The following STAG1 variants were observed in gnomAD, a reference collection of about 807,000 sequenced individuals.
STAG1 encodes cohesin subunit SA-1.
A neutral mutation model predicts 170.9 loss-of-function variants in STAG1; 26 were observed. The ratio of observed to expected loss-of-function variants is 0.15; its 90% CI spans 0.11 to 0.21. The LOEUF is 0.21. STAG1 is among the 10% of genes least tolerant of loss of function. STAG1 has a pLI of 1.00. For synonymous variants in STAG1, 514 were observed against 497.7 expected (o/e 1.03, Z -0.44); for missense variants, 964 against 1,509.5 (o/e 0.64, Z 5.99).
At chr3:136,559,225 A>G (rs1461842784) in intron 5 of STAG1, among the ~76,000 whole-genome samples, 2 of 152,136 alleles carry the variant, frequency 1.3e-5, no homozygotes, top group African/African-American at 4.8e-5. Context: ...GCTAAAGAGA[A>G]TACTGATTAA....
intron 16 of STAG1, among the ~76,000 whole-genome samples, chr3:136,430,464 T>C (rs2088264309): frequency 6.6e-6 from 1 of 152,152 alleles, no homozygotes; most frequent in Admixed American, 6.5e-5. Context: ...TTTGTGTTAC[T>C]CTTGTCACAT....
At chr3:136,376,056 T>C (rs368457352) in intron 23 of STAG1, among the ~76,000 whole-genome samples, 1 of 133,958 alleles carries the variant, frequency 7.5e-6, no homozygotes, top group Non-Finnish European at 1.6e-5. Context: ...TAAAACAAAA[T>C]AAAATAAATG....
chr3:136,478,899 T>C (rs183405619), intron 9 of STAG1, among the ~76,000 whole-genome samples: 1 of 152,218 alleles, frequency 6.6e-6, no homozygotes, highest in African/African-American at 2.4e-5. Flanking sequence ...ACCTTGGGTA[T>C]TTCCCTTTTT....
rs894847068 is a variant in STAG1, at chr3:136,337,603, A to G, written c.*651T>C. On this transcript the variant is annotated 3_prime_UTR_variant, in exon 34 of 34. Transcript: ENST00000383202. The stretch of plus-strand genomic sequence containing the variant: ...AAAAATAAACCTTTTATTCAAGAGT[A>G]TATAAAATCTGGGAATTCATATCCA... The G allele has an allele frequency of 1.3e-5, 2 of 152,668 alleles. No individual in the cohort carries two copies. The highest frequency in any genetic ancestry group is 4.8e-5 in the African/African-American group (2 of 41,464). 9.5% of individuals were successfully genotyped at this position (152,668 alleles called of 1,614,324 possible).
In STAG1 at chr3:136,615,364, T is replaced by C. The variant is rs191352941; in HGVS notation, c.132+7782A>G. ...CCCCACACTTTTTCATAAAATGGCA[T>C]TGCCTGTGAGCTGAGATCGTGTCAC... On this transcript the variant is annotated intron_variant, in intron 3 of 33. Transcript: ENST00000383202. Among the ~76,000 whole-genome samples the C allele has an allele frequency of 2.1e-3, 301 of 144,104 alleles. 1 individual carries two copies. Among genetic ancestry groups the C allele is most frequent in the African/African-American group, 7.4e-3 (286 of 38,410 alleles). 94.5% of individuals were successfully genotyped at this position (144,104 alleles called of 152,430 possible).
intron 21 of STAG1, among the ~76,000 whole-genome samples, chr3:136,405,398 T>A (rs1297193467): frequency 1.3e-5 from 2 of 151,856 alleles, no homozygotes; most frequent in African/African-American, 4.8e-5. Context: ...TGTGCTACCA[T>A]GCCCAGCTAA....
At chr3:136,563,508 C>T (rs1301803359) in intron 5 of STAG1, among the ~76,000 whole-genome samples, 4 of 151,512 alleles carry the variant, frequency 2.6e-5, no homozygotes, top group Admixed American at 6.6e-5. Context: ...CTAAACTTTC[C>T]GACACACACA....
intron 1 of STAG1, among the ~76,000 whole-genome samples, chr3:136,711,979 C>A (rs749227899): frequency 1.3e-5 from 2 of 152,072 alleles, no homozygotes; most frequent in African/African-American, 4.8e-5. Flanking sequence ...CACTGTTTAA[C>A]GGAAAAAAAC....
intron 15 of STAG1, among the ~76,000 whole-genome samples, chr3:136,435,110 G>A (rs1193004721): frequency 6.6e-6 from 1 of 152,064 alleles, no homozygotes; most frequent in Non-Finnish European, 1.5e-5. Context: ...AACTTAATAT[G>A]TAACTTAATT....
At chr3:136,712,983 C>T (rs1943426179) in intron 1 of STAG1, among the ~76,000 whole-genome samples, 1 of 151,950 alleles carries the variant, frequency 6.6e-6, no homozygotes, top group Non-Finnish European at 1.5e-5. Context: ...CCCAGCTACT[C>T]AGGAGGCTGA....
chr3:136,410,303 G>A (rs2087591137), intron 21 of STAG1, among the ~76,000 whole-genome samples: 2 of 151,972 alleles, frequency 1.3e-5, no homozygotes, highest in South Asian at 4.2e-4. Context: ...GGGAGGCTGA[G>A]GCAGGAGAAT....
chr3:136,713,547 C>T (rs1943440862), intron 1 of STAG1, among the ~76,000 whole-genome samples: 1 of 150,792 alleles, frequency 6.6e-6, no homozygotes, highest in African/African-American at 2.4e-5. Flanking sequence ...CATGCCACTG[C>T]ACTCTAGCCT....
At chr3:136,425,193 T>C (rs1330408925) in intron 16 of STAG1, among the ~76,000 whole-genome samples, 3 of 152,278 alleles carry the variant, frequency 2.0e-5, no homozygotes, top group African/African-American at 4.8e-5. Flanking sequence ...AGACTGTGCG[T>C]AGGTGAACTT....
intron 3 of STAG1, among the ~76,000 whole-genome samples, chr3:136,608,118 G>T (rs974696110): frequency 5.9e-5 from 9 of 152,118 alleles, no homozygotes; most frequent in Middle Eastern, 3.4e-3. Flanking sequence ...TTATCCAGGC[G>T]TGGTGGCACA....
intron 3 of STAG1, among the ~76,000 whole-genome samples, chr3:136,614,058 T>C (rs918178057): frequency 6.6e-6 from 1 of 151,956 alleles, no homozygotes; most frequent in Admixed American, 6.6e-5. Context: ...ACACTAAAAA[T>C]ACAAAAAATT....
At chr3:136,668,639 C>T (rs901859000) in intron 1 of STAG1, among the ~76,000 whole-genome samples, 11 of 151,920 alleles carry the variant, frequency 7.2e-5, no homozygotes, top group African/African-American at 2.2e-4. Context: ...GGAAAGGACA[C>T]GGAACAGTAC....
intron 1 of STAG1, among the ~76,000 whole-genome samples, chr3:136,683,456 G>A (rs1489469090): frequency 6.6e-6 from 1 of 152,038 alleles, no homozygotes; most frequent in East Asian, 1.9e-4. Flanking sequence ...TAGAGCTGGG[G>A]TTTTGCCATG....
chr3:136,695,725 A>T (rs1942866133), intron 1 of STAG1, among the ~76,000 whole-genome samples: 1 of 152,180 alleles, frequency 6.6e-6, no homozygotes, highest in South Asian at 2.1e-4. Context: ...GAGGAAAAAG[A>T]TCCCTCAAAA....
intron 22 of STAG1, among the ~76,000 whole-genome samples, chr3:136,397,027 A>T (rs2087183720): frequency 6.6e-6 from 1 of 152,204 alleles, no homozygotes; most frequent in African/African-American, 2.4e-5. Flanking sequence ...AGGAAAAAAA[A>T]TTCTTACTCT....
Sources: gnomAD v4.1 joint callset for allele counts (sites outside exome capture counted in the v4.1 genomes callset) on GRCh38, gnomAD v4.1.1 for gene constraint, MANE v1.5 for transcripts, NCBI Gene and HGNC (gene_info 2026-07-23, HGNC 2026-07-21) for gene names.